Variants in SIRT5 observed in about 807,000 individuals in gnomAD.
SIRT5 encodes sirtuin 5, also known as NAD-dependent protein deacylase sirtuin-5, mitochondrial.
SIRT5 carries 26 observed loss-of-function variants against 40.0 expected under a neutral mutation model. That is an observed-to-expected ratio of 0.65 (90% CI 0.48 to 0.90). The LOEUF (loss-of-function observed/expected upper bound fraction) is 0.90, where lower values mean the gene tolerates loss of function less well. SIRT5 is among the 40% of genes least tolerant of loss of function. The pLI, the probability that SIRT5 is intolerant of heterozygous loss-of-function variation, is 0.00. For missense variants in SIRT5, 401 were observed against 402.4 expected (o/e 1.00, Z 0.03); for synonymous variants, 146 against 149.1 (o/e 0.98, Z 0.15).
In SIRT5 at chr6:13,588,346, G is replaced by T. The variant is rs765381829; in HGVS notation, c.131G>T (p.Arg44Leu). 2 of 1,613,820 alleles carry T rather than the reference G, an allele frequency of 1.2e-6. No homozygotes were observed. Among genetic ancestry groups the T allele is most frequent in the Non-Finnish European group, 1.7e-6 (2 of 1,179,896 alleles). Residue 44 changes from arginine to leucine, a missense_variant, in exon 4 of 10, where the codon CGA becomes CTA. Arg to Leu is a moderately radical substitution (Grantham distance 102). Coordinates refer to ENST00000606117, the MANE Select transcript of SIRT5 (RefSeq NM_012241.5). Reference sequence around the variant, plus strand: ...CTCTGTTTAGGTATGGCAGATTTTCGAAAGTTTTTTGCAAAAGCAAAGCAC... The same window carrying T: ...CTCTGTTTAGGTATGGCAGATTTTCTAAAGTTTTTTGCAAAAGCAAAGCAC... Reference protein sequence around the residue: ...ARPSSSMADFRKFFAKAKHIV... With the variant: ...ARPSSSMADFLKFFAKAKHIV...
At position 13,600,896 on chromosome 6, in the gene SIRT5, C is replaced by T. The variant is rs35937472; in HGVS notation, c.804C>T (p.Gly268=). ...AMFAPQVAAR[G]VPVAEFNTET... The stretch of plus-strand genomic sequence containing the variant: ...TTGCCCCCCAGGTGGCTGCCAGGGG[C>T]GTGCCAGTGGCTGAATTTAACACGG... Residue 268 remains glycine, a synonymous_variant, in exon 9 of 10, where the codon GGC becomes GGT. Coordinates refer to ENST00000606117, the MANE Select transcript of SIRT5 (RefSeq NM_012241.5). 124 of 1,614,110 alleles carry T rather than the reference C, an allele frequency of 7.7e-5. 1 individual carries two copies. Among genetic ancestry groups the T allele is most frequent in the South Asian group, 6.0e-4 (55 of 91,054 alleles).
chr6:13,594,449 T>A (rs1761321612), intron 5 of SIRT5, among the ~76,000 whole-genome samples: 1 of 152,180 alleles, frequency 6.6e-6, no homozygotes, highest in Non-Finnish European at 1.5e-5. Flanking sequence ...CTCTTTGAGG[T>A]GGCCTCCCTT....
chr6:13,591,708 C>T lies in SIRT5; in HGVS notation c.289C>T (p.Arg97Trp), dbSNP rs201184922. ...TPLAFAHNPS[R>W]VWEFYHYRRE... ...CCTGGCCTTTGCCCACAACCCGTCC[C>T]GGGTGTGGGAGTTCTACCACTACCG... Residue 97 changes from arginine (R) to tryptophan (W), a missense_variant, in exon 5 of 10, where the codon CGG (arginine) becomes TGG (tryptophan). Coordinates refer to ENST00000606117, the MANE Select transcript of SIRT5 (RefSeq NM_012241.5). 25 of 1,606,208 alleles carry T rather than the reference C, an allele frequency of 1.6e-5. No individual in the cohort carries two copies. The Middle Eastern group carries it at 6.6e-4, about 42-fold the overall frequency.
In SIRT5 at chr6:13,590,959, G is replaced by T. The variant is rs370973199; in HGVS notation, c.250-710G>T. 7.9e-3 allele frequency among the ~76,000 whole-genome samples: 1,204 copies of T among 151,892 alleles called. 7 individuals carry two copies. The highest frequency in any genetic ancestry group is 0.027 in the African/African-American group (1,125 of 41,388). On this transcript the variant is annotated intron_variant, in intron 4 of 9. Transcript: ENST00000606117. The stretch of plus-strand genomic sequence containing the variant: ...GTGTGTAGTTGTGTGTGTTTAGTTT[G>T]TGTGTGTAGTTGTATGTTTAGTTGT...
chr6:13,592,171 G>A lies in SIRT5; in HGVS notation c.475+277G>A, dbSNP rs1384956261. Reference sequence around the variant, plus strand: ...GGTCTAAGAGCCAGCAACATTTGGCGTCCCCCAAGAACTTGTTAAAAATGC... The same window carrying A: ...GGTCTAAGAGCCAGCAACATTTGGCATCCCCCAAGAACTTGTTAAAAATGC... On this transcript the variant is annotated intron_variant, in intron 5 of 9. Coordinates refer to ENST00000606117, the MANE Select transcript of SIRT5 (RefSeq NM_012241.5). 3.3e-5 allele frequency among the ~76,000 whole-genome samples: 5 copies of A among 152,064 alleles called. No individual in the cohort carries two copies. The East Asian group carries it at 5.8e-4, about 18-fold the overall frequency.
chr6:13,597,433 TAAAAAAA>T (rs60503838), intron 7 of SIRT5, among the ~76,000 whole-genome samples: 1 of 102,398 alleles, frequency 9.8e-6, no homozygotes, highest in South Asian at 3.1e-4. Context: ...GTTCATAGAT[TAAAAAAA>T]AAAAAAAAAA....
chr6:13,596,377 AAAT>A (rs1293392432), intron 6 of SIRT5, among the ~76,000 whole-genome samples: 2 of 152,204 alleles, frequency 1.3e-5, no homozygotes, highest in Admixed American at 1.3e-4. Flanking sequence ...CAGAGGATAC[AAAT>A]GATGATGATG....
rs1046150363 is a variant in SIRT5 at position 13,612,520 on chromosome 6, A to C, written c.*655A>C. On this transcript the variant is annotated 3_prime_UTR_variant, in exon 10 of 10. Coordinates refer to ENST00000606117, the MANE Select transcript of SIRT5 (RefSeq NM_012241.5). ...CACACCCAGCTAATTTTGTATTTTT[A>C]GTAGAGACGGGGTTTCTCCATGTTG... is the stretch of plus-strand genomic sequence containing the variant. 7.9e-5 allele frequency: 12 copies of C among 151,968 alleles called. No individual in the cohort carries two copies. Among genetic ancestry groups the C allele is most frequent in the Non-Finnish European group, 1.2e-4 (8 of 68,060 alleles). 9.4% of individuals were successfully genotyped at this position (151,968 alleles called of 1,614,324 possible).
chr6:13,579,911 T>A (rs1759111309), intron 2 of SIRT5, among the ~76,000 whole-genome samples: 1 of 152,246 alleles, frequency 6.6e-6, no homozygotes, highest in African/African-American at 2.4e-5. Context: ...TTACTGAGTT[T>A]TCCAGGTAAA....
intron 6 of SIRT5, 116 bp from the exon 7 acceptor site, chr6:13,596,847 T>C (rs893257694): frequency 1.2e-5 from 9 of 739,064 alleles, no homozygotes; most frequent in Non-Finnish European, 1.9e-5. Context: ...GAGCATGTAT[T>C]AATTAGGAGT....
chr6:13,614,302 A>G lies in SIRT5; in HGVS notation c.*2437A>G, dbSNP rs1021500596. ...GACCAGCGCAATTAGAGATGGGCAG[A>G]GTGGGATGGGGTAGGGGTAAGGTGC... On this transcript the variant is annotated 3_prime_UTR_variant, in exon 10 of 10. Coordinates refer to ENST00000606117, the MANE Select transcript of SIRT5 (RefSeq NM_012241.5). 6.6e-6 allele frequency: 1 copy of G among 152,168 alleles called. No individual in the cohort carries two copies. Among genetic ancestry groups the G allele is most frequent in the African/African-American group, 2.4e-5 (1 of 41,432 alleles). 9.4% of individuals were successfully genotyped at this position (152,168 alleles called of 1,614,324 possible). A position where few individuals can be genotyped will look rare whatever the true frequency, so the allele number is the denominator to read the frequency against.
intron 9 of SIRT5, among the ~76,000 whole-genome samples, chr6:13,608,821 ATTT>A (rs144601335): frequency 3.4e-5 from 5 of 146,424 alleles, no homozygotes; most frequent in African/African-American, 1.3e-4. Flanking sequence ...ATTTTATTGG[ATTT>A]TTTTTTTTTT....
intron 4 of SIRT5, 104 bp downstream of exon 4, chr6:13,588,568 T>C: frequency 7.5e-7 from 1 of 1,326,324 alleles, no homozygotes; most frequent in African/African-American, 1.5e-5. Flanking sequence ...GAAATGGTTT[T>C]TAAGTGAACT....
chr6:13,582,101 T>C (rs1327459003), intron 2 of SIRT5, among the ~76,000 whole-genome samples: 2 of 152,202 alleles, frequency 1.3e-5, no homozygotes, highest in African/African-American at 4.8e-5. Flanking sequence ...CTTCATGGCG[T>C]GTTCTATCTC....
intron 9 of SIRT5, among the ~76,000 whole-genome samples, chr6:13,606,332 G>A (rs1255500733): frequency 2.0e-5 from 3 of 152,178 alleles, no homozygotes; most frequent in Non-Finnish European, 1.5e-5. Flanking sequence ...TGGGGGCTCT[G>A]GGGAGGGAAG....
intron 2 of SIRT5, among the ~76,000 whole-genome samples, chr6:13,582,364 A>G (rs1392792734): frequency 6.6e-6 from 1 of 152,178 alleles, no homozygotes; most frequent in Non-Finnish European, 1.5e-5. Context: ...GGTAAAACAC[A>G]TGTAACAAAA....
chr6:13,583,579 C>T (rs1463884907), intron 2 of SIRT5, among the ~76,000 whole-genome samples: 1 of 152,194 alleles, frequency 6.6e-6, no homozygotes, highest in African/African-American at 2.4e-5. Context: ...TAGGCGTGAG[C>T]CACTGCACCT....
rs1764216421 is a variant in SIRT5 at position 13,615,093 on chromosome 6, T to C, written c.*3228T>C. The C allele has an allele frequency of 8.9e-6, 4 of 447,904 alleles. No homozygotes were observed. In the South Asian group the frequency reaches 1.8e-4, roughly 20 times the overall value. 27.7% of individuals were successfully genotyped at this position (447,904 alleles called of 1,614,324 possible). On this transcript the variant is annotated 3_prime_UTR_variant, in exon 10 of 10. Coordinates refer to ENST00000606117, the MANE Select transcript of SIRT5 (RefSeq NM_012241.5). ...CCGAGGAGGGCAGCGCGATGGCTCT[T>C]CCCTGCCTTGAAATCAACCCCATTG...
intron 9 of SIRT5, among the ~76,000 whole-genome samples, chr6:13,611,203 GTGTGTATATATATA>G (rs1255497033): frequency 1.1e-5 from 1 of 92,268 alleles, no homozygotes; most frequent in African/African-American, 4.2e-5. Context: ...TTATGTGTGT[GTGTGTATATATATA>G]TATATATATA....
Sources: gnomAD v4.1 joint callset for allele counts (sites outside exome capture counted in the v4.1 genomes callset) on GRCh38, gnomAD v4.1.1 for gene constraint, MANE v1.5 for transcripts, NCBI Gene and HGNC (gene_info 2026-07-23, HGNC 2026-07-21) for gene names.